Variants in ITGA2 observed in about 807,000 individuals in gnomAD.
ITGA2 encodes integrin subunit alpha 2.
A neutral mutation model predicts 146.3 loss-of-function variants in ITGA2; 101 were observed. The observed-to-expected ratio is 0.69, with a 90% CI of 0.59 to 0.81. ITGA2 has a LOEUF of 0.81. ITGA2 is among the 40% of genes least tolerant of loss of function. The probability of loss-of-function intolerance (pLI) is 0.00; values close to 1 mark genes in which losing one functional copy is unlikely to be tolerated. For synonymous variants in ITGA2, 477 were observed against 487.1 expected, an observed-to-expected ratio of 0.98 and a Z score of 0.27; for missense variants, 1,281 against 1,402.7, an observed-to-expected ratio of 0.91 and a Z score of 1.39.
rs369482288 is a variant in ITGA2, at chr5:53,000,897, G to GTTTTTTT, written c.64+11380_64+11386dup. 1.9e-3 allele frequency among the ~76,000 whole-genome samples: 180 copies of GTTTTTTT among 97,234 alleles called. 1 individual carries two copies. Among genetic ancestry groups the GTTTTTTT allele is most frequent in the Non-Finnish European group, 2.8e-3 (138 of 49,522 alleles). 63.8% of individuals were successfully genotyped at this position (97,234 alleles called of 152,430 possible). A position where few individuals can be genotyped will look rare whatever the true frequency, so the allele number is the denominator to read the frequency against. ...TTTTCTTTTTTTTCTTTTTCTTTTT[G>GTTTTTTT]TTTTTTTTTTTTTTTTTTTTTCTTG... On this transcript the variant is annotated intron_variant, in intron 1 of 29. Transcript: ENST00000296585.
chr5:53,044,463 GA>G (rs1389079197), intron 3 of ITGA2, among the ~76,000 whole-genome samples: 5 of 151,892 alleles, frequency 3.3e-5, no homozygotes, highest in African/African-American at 4.8e-5. Context: ...CTCAAGAATG[GA>G]TACAGTGGTT....
chr5:52,994,290 T>G (rs1246556552), intron 1 of ITGA2, among the ~76,000 whole-genome samples: 2 of 152,216 alleles, frequency 1.3e-5, no homozygotes, highest in African/African-American at 4.8e-5. Context: ...GTCTCAGCCC[T>G]GAAGCATACT....
At position 53,026,660 on chromosome 5, in the gene ITGA2, G is replaced by A. The variant is rs2111815412; in HGVS notation, c.65-88G>A. 4.1e-6 allele frequency: 5 copies of A among 1,233,162 alleles called. No homozygotes were observed. The East Asian group carries it at 1.2e-4, about 29-fold the overall frequency. 76.4% of individuals were successfully genotyped at this position (1,233,162 alleles called of 1,614,324 possible). ...AAGTAATAATTATTAGGTCAAGCAAGTTTTCTTAAAAATGGCCTTTGAGAA... is the reference window on the plus strand; with the variant it reads ...AAGTAATAATTATTAGGTCAAGCAAATTTTCTTAAAAATGGCCTTTGAGAA... On this transcript the variant is annotated intron_variant, in intron 1 of 29. Coordinates refer to ENST00000296585, the MANE Select transcript of ITGA2 (RefSeq NM_002203.4).
intron 1 of ITGA2, among the ~76,000 whole-genome samples, chr5:53,018,380 A>C (rs777855747): frequency 6.6e-6 from 1 of 152,082 alleles, no homozygotes; most frequent in Non-Finnish European, 1.5e-5. Flanking sequence ...AGGATGCTGG[A>C]GGTCCATGGC....
Position 53,067,174 on chromosome 5 carries a change from CT to C in ITGA2, c.2003del (p.Leu668TrpfsTer8). 6.2e-7 allele frequency: 1 copy of C among 1,611,546 alleles called. No individual in the cohort carries two copies. The highest frequency in any genetic ancestry group is 8.5e-7 in the Non-Finnish European group (1 of 1,178,722). On this transcript the variant is annotated frameshift_variant, in exon 16 of 30. Transcript: ENST00000296585. LOFTEE classifies it high-confidence loss of function. Reference sequence around the variant, plus strand: ...GCTTCATTCACACCAGAAAAAATCACTTTGGTCAACAAGAATGCTCAGATAA... The same window carrying C: ...GCTTCATTCACACCAGAAAAAATCACTTGGTCAACAAGAATGCTCAGATAA... ...IEASFTPEKITLVNKNAQIIL... is the reference protein window; with the variant it reads ...IEASFTPEKIXLVNKNAQIIL...
At chr5:52,995,918 A>G (rs1741220273) in intron 1 of ITGA2, among the ~76,000 whole-genome samples, 1 of 152,236 alleles carries the variant, frequency 6.6e-6, no homozygotes, top group Non-Finnish European at 1.5e-5. Context: ...AGAAGTAGAA[A>G]GACAACTGCA....
Position 53,042,168 on chromosome 5 carries a change from A to G in ITGA2, c.242A>G (p.Tyr81Cys), listed in dbSNP as rs1261742101. The G allele has an allele frequency of 1.2e-6, 2 of 1,613,390 alleles. No individual in the cohort carries two copies. The highest frequency in any genetic ancestry group is 1.7e-6 in the Non-Finnish European group (2 of 1,179,468). The change falls in exon 3 of 30, where the codon TAT becomes TGT. Residue 81 changes from tyrosine to cysteine, a missense_variant. Coordinates refer to ENST00000296585, the MANE Select transcript of ITGA2 (RefSeq NM_002203.4). ...CCTGAGAACCGAATGGGAGATGTGT[A>G]TAAATGTCCTGTTGACCTATCCACT... is the stretch of plus-strand genomic sequence containing the variant. ...GFPENRMGDV[Y>C]KCPVDLSTAT...
intron 1 of ITGA2, among the ~76,000 whole-genome samples, chr5:53,020,760 C>T (rs1184445295): frequency 6.6e-6 from 1 of 151,598 alleles, no homozygotes; most frequent in Admixed American, 6.6e-5. Flanking sequence ...TGGCTCACTG[C>T]AACCTCCGCC....
At chr5:53,046,128 T>A (rs915419768) in intron 4 of ITGA2, among the ~76,000 whole-genome samples, 1 of 147,258 alleles carries the variant, frequency 6.8e-6, no homozygotes. Flanking sequence ...GAGGCAAAAG[T>A]TGCATGCACT....
intron 7 of ITGA2, among the ~76,000 whole-genome samples, chr5:53,054,126 T>C (rs1264042768): frequency 6.6e-6 from 1 of 152,120 alleles, no homozygotes. Context: ...TGCTCAGTTT[T>C]ATAATAAACT....
chr5:53,071,705 T>A (rs1379181042), intron 17 of ITGA2, among the ~76,000 whole-genome samples: 1 of 151,980 alleles, frequency 6.6e-6, no homozygotes, highest in African/African-American at 2.4e-5. Context: ...AAATTCTTAC[T>A]AGACCCAAGT....
At chr5:53,074,302 T>C in intron 20 of ITGA2, 83 bp from the exon 21 acceptor site, 4 of 1,046,260 alleles carry the variant, frequency 3.8e-6, no homozygotes, top group Non-Finnish European at 6.0e-6. Context: ...AAAATGCCAC[T>C]GTACCTCTTT....
At position 53,090,617 on chromosome 5, in the gene ITGA2, C is replaced by T; in HGVS notation, c.*18C>T. On this transcript the variant is annotated 3_prime_UTR_variant, in exon 30 of 30. Coordinates refer to ENST00000296585, the MANE Select transcript of ITGA2 (RefSeq NM_002203.4). ...GTAGCTGAACCAGCAGACCTACCTGCAGTGGGAACCGGCAGCATCCCAGCC... is the reference window on the plus strand; with the variant it reads ...GTAGCTGAACCAGCAGACCTACCTGTAGTGGGAACCGGCAGCATCCCAGCC... 1 of 1,595,730 alleles carries T rather than the reference C, an allele frequency of 6.3e-7. No homozygotes were observed. The highest frequency in any genetic ancestry group is 2.2e-5 in the East Asian group (1 of 44,730).
At chr5:53,002,347 T>TA (rs1194646673) in intron 1 of ITGA2, among the ~76,000 whole-genome samples, 1 of 152,124 alleles carries the variant, frequency 6.6e-6, no homozygotes, top group Non-Finnish European at 1.5e-5. Context: ...ATTTTCTTTA[T>TA]AAAGTTGAAT....
At chr5:53,074,889 A>G (rs1349806139) in intron 21 of ITGA2, among the ~76,000 whole-genome samples, 172 bp from the exon 22 acceptor site, 2 of 152,042 alleles carry the variant, frequency 1.3e-5, no homozygotes, top group Non-Finnish European at 2.9e-5. Context: ...AATGTGAGGC[A>G]TAGTAAAACA....
At chr5:53,030,675 T>A (rs1421098264) in intron 2 of ITGA2, among the ~76,000 whole-genome samples, 1 of 152,140 alleles carries the variant, frequency 6.6e-6, no homozygotes, top group East Asian at 1.9e-4. Context: ...CTACATGAGG[T>A]GCAAAAAATG....
At chr5:53,032,692 A>G (rs534287627) in intron 2 of ITGA2, among the ~76,000 whole-genome samples, 49 of 152,312 alleles carry the variant, frequency 3.2e-4, no homozygotes, top group Non-Finnish European at 5.1e-4. Context: ...CAGAATCTTG[A>G]ATGAAAAATT....
intron 9 of ITGA2, 63 bp from the exon 10 acceptor site, chr5:53,057,962 G>T (rs1274134076): frequency 3.9e-5 from 47 of 1,218,788 alleles, no homozygotes; most frequent in Non-Finnish European, 5.6e-5. Flanking sequence ...GTGCCTGCTT[G>T]TGTTTGAAAA....
chr5:53,036,074 T>TTCAG (rs1360691705), intron 2 of ITGA2, among the ~76,000 whole-genome samples: 1 of 151,994 alleles, frequency 6.6e-6, no homozygotes, highest in African/African-American at 2.4e-5. Context: ...CATTCATTCA[T>TTCAG]TCATTGAAAG....
Sources: allele counts gnomAD v4.1 joint callset (sites outside exome capture counted in the v4.1 genomes callset), GRCh38; gene constraint gnomAD v4.1.1; transcripts MANE v1.5; gene names NCBI Gene and HGNC (gene_info 2026-07-23, HGNC 2026-07-21).